P3H1: variants seen among roughly 807,000 people sequenced by gnomAD.
P3H1 encodes prolyl 3-hydroxylase 1, also known as growth suppressor 1.
P3H1 carries 69 observed loss-of-function variants against 84.0 expected under a neutral mutation model. That is an observed-to-expected ratio of 0.82 (90% CI 0.68 to 1.00). The LOEUF (loss-of-function observed/expected upper bound fraction) is 1.00. P3H1 is among the 50% of genes least tolerant of loss of function. P3H1 has a pLI of 0.00. For synonymous variants in P3H1, 366 were observed against 388.8 expected, an observed-to-expected ratio of 0.94 and a Z score of 0.69; for missense variants, 878 against 962.8, an observed-to-expected ratio of 0.91 and a Z score of 1.17.
chr1:42,755,179 C>T lies in P3H1; in HGVS notation c.1209G>A (p.Leu403=), dbSNP rs1304101000. The T allele has an allele frequency of 2.5e-6, 4 of 1,614,050 alleles. No individual in the cohort carries two copies. The highest frequency in any genetic ancestry group is 1.7e-5 in the Admixed American group (1 of 60,012). The change falls in exon 7 of 15, where the codon TTG becomes TTA. Residue 403 remains leucine (L), a synonymous_variant. Transcript: ENST00000296388. ...AAGGTCCTCACTTCTGTTTCTCTTG[C>T]AATCTCTTGGGAATCACTTCTTCTG... The part of the protein sequence containing the change: ...WTPEEVIPKR[L]QEKQKSERET...
At chr1:42,753,852 G>A (rs964747867) in intron 8 of P3H1, among the ~76,000 whole-genome samples, 2 of 152,076 alleles carry the variant, frequency 1.3e-5, no homozygotes, top group Non-Finnish European at 2.9e-5. Context: ...GATGATCCCG[G>A]GATGTGGAGG....
intron 4 of P3H1, 137 bp downstream of exon 4, chr1:42,758,714 AT>A: frequency 9.6e-7 from 1 of 1,039,514 alleles, no homozygotes. Context: ...CTACCCAGGG[AT>A]CACTTGGCAT....
Position 42,767,013 on chromosome 1 carries a change from A to G in P3H1, c.-42T>C, listed in dbSNP as rs774006132. 1.3e-6 allele frequency: 2 copies of G among 1,593,876 alleles called. No individual in the cohort carries two copies. Among genetic ancestry groups the G allele is most frequent in the Non-Finnish European group, 1.7e-6 (2 of 1,175,012 alleles). On this transcript the variant is annotated 5_prime_UTR_variant, in exon 1 of 15. Transcript: ENST00000296388. Reference sequence around the variant, plus strand: ...ACGGAACCGCCAGCCACCCGCCACCAAGGCCGGAGTCCTACCCCCGGCGAA... The same window carrying G: ...ACGGAACCGCCAGCCACCCGCCACCGAGGCCGGAGTCCTACCCCCGGCGAA...
chr1:42,751,527 C>T (rs1389712984), intron 10 of P3H1: 3 of 139,338 alleles, frequency 2.2e-5, no homozygotes, highest in African/African-American at 8.1e-5. Context: ...GTGACCCTGC[C>T]AAATCCCCCT....
chr1:42,747,150 G>C, intron 14 of P3H1, 122 bp downstream of exon 14: 3 of 1,614,206 alleles, frequency 1.9e-6, no homozygotes, highest in Non-Finnish European at 2.5e-6. Context: ...GGTGTCCCAA[G>C]TGCTCCTTTC....
intron 14 of P3H1, 153 bp downstream of exon 14, chr1:42,747,119 T>C (rs765884364): frequency 1.2e-6 from 2 of 1,614,058 alleles, no homozygotes; most frequent in Admixed American, 1.7e-5. Flanking sequence ...AATGTGACCA[T>C]AATGACAGGG....
intron 11 of P3H1, among the ~76,000 whole-genome samples, chr1:42,749,631 GTTCCCCTGAC>G (rs1557561637): frequency 6.6e-6 from 1 of 152,152 alleles, no homozygotes; most frequent in African/African-American, 2.4e-5. Context: ...ACCTTTCTTA[GTTCCCCTGAC>G]TACCAGGCTG....
rs866278783 is a variant in P3H1 at position 42,757,902 on chromosome 1, C to A, written c.961G>T (p.Val321Phe). ...AGAAGATAGGTCTTGGCACATTCAACAGCCTGTGTATAATTCCCAACTGCA... is the reference window on the plus strand; with the variant it reads ...AGAAGATAGGTCTTGGCACATTCAAAAGCCTGTGTATAATTCCCAACTGCA... ...YYNIGNYTQAVECAKTYLLFF... is the reference protein window; with the variant it reads ...YYNIGNYTQAFECAKTYLLFF... The change falls in exon 5 of 15, where the codon GTT becomes TTT. Residue 321 changes from valine (V) to phenylalanine (F), a missense_variant. Physicochemically the swap from Val to Phe is conservative, Grantham distance 50. Transcript: ENST00000296388. 1.2e-6 allele frequency: 2 copies of A among 1,614,214 alleles called. No homozygotes were observed. Among genetic ancestry groups the A allele is most frequent in the Non-Finnish European group, 1.7e-6 (2 of 1,180,028 alleles).
chr1:42,759,350 T>C lies in P3H1; in HGVS notation c.659A>G (p.Gln220Arg). The C allele has an allele frequency of 6.2e-7, 1 of 1,614,222 alleles. No homozygotes were observed. The highest frequency in any genetic ancestry group is 8.5e-7 in the Non-Finnish European group (1 of 1,180,038). The change falls in exon 3 of 15, where the codon CAG becomes CGG. Residue 220 changes from glutamine (Q) to arginine (R), a missense_variant. Gln to Arg is a conservative substitution (Grantham distance 43). Transcript: ENST00000296388. ...TAGGTGGGGCACAGCTTCCTGTGGCTGTTCCTCTGAGTAGAGTCGCACTCC... is the reference window on the plus strand; with the variant it reads ...TAGGTGGGGCACAGCTTCCTGTGGCCGTTCCTCTGAGTAGAGTCGCACTCC... The part of the protein sequence containing the change: ...RLGVRLYSEE[Q>R]PQEAVPHLEA...
rs115108794 is a variant in P3H1, at chr1:42,752,342, G to A, written c.1501C>T (p.Arg501Trp). 667 of 1,614,076 alleles carry A rather than the reference G, an allele frequency of 4.1e-4. No homozygotes were observed. In the African/African-American group the frequency reaches 6.7e-3, roughly 16 times the overall value. The change falls in exon 10 of 15, where the codon CGG (arginine) becomes TGG (tryptophan). Residue 501 changes from arginine to tryptophan, a missense_variant. Coordinates refer to ENST00000296388, the MANE Select transcript of P3H1 (RefSeq NM_022356.4). ...GGAGTATGTGGGGAGGTCTGACCCC[G>A]GTAGCCATCTCCTGAGGTTGCTGCC... is the stretch of plus-strand genomic sequence containing the variant. ...NVAATSGDGY[R>W]GQTSPHTPNE... is the part of the protein sequence containing the mutation.
At chr1:42,763,842 G>C (rs1200541149) in intron 1 of P3H1, among the ~76,000 whole-genome samples, 1 of 151,970 alleles carries the variant, frequency 6.6e-6, no homozygotes, top group East Asian at 1.9e-4. Context: ...TGTGGACACT[G>C]GTATCAAAGA....
chr1:42,747,274 G>A lies in P3H1; in HGVS notation c.2053C>T (p.Arg685Trp), dbSNP rs774693500. 2.0e-5 allele frequency: 33 copies of A among 1,613,868 alleles called. No individual in the cohort carries two copies. The highest frequency in any genetic ancestry group is 3.3e-4 in the Middle Eastern group (2 of 6,062). The stretch of plus-strand genomic sequence containing the variant: ...TCACCCGCTCGAGCTGCTCTCACCC[G>A]CTCGCTGTGTCGAGGGTCCAGGGTG... ...WFTLDPRHSE[R>W]DRVQADDLVK... Residue 685 changes from arginine (R) to tryptophan (W), a missense_variant and splice_region_variant, in exon 14 of 15, where the codon CGG (arginine) becomes TGG (tryptophan). Transcript: ENST00000296388.
Position 42,754,816 on chromosome 1 carries a change from C to T in P3H1, c.1345+53G>A. 2 of 1,613,296 alleles carry T rather than the reference C, an allele frequency of 1.2e-6. No individual in the cohort carries two copies. Among genetic ancestry groups the T allele is most frequent in the Non-Finnish European group, 1.7e-6 (2 of 1,179,530 alleles). ...GCGCTGCCTGGCAAATGTGGGGTGA[C>T]CTGCCTGGCTCCCTGACAACAGCCA... On this transcript the variant is annotated intron_variant, in intron 8 of 14. Transcript: ENST00000296388. This position sits in a 1 kb window ranked among gnomAD's most constrained non-coding sequence, Gnocchi z 4.0.
intron 1 of P3H1, among the ~76,000 whole-genome samples, chr1:42,766,007 T>TCCC (rs747617057): frequency 2.5e-5 from 3 of 117,730 alleles, no homozygotes; most frequent in South Asian, 2.9e-4. Context: ...AGCCAGAGGG[T>TCCC]CCCCCCCCCG....
intron 1 of P3H1, among the ~76,000 whole-genome samples, chr1:42,763,279 G>A (rs1240219569): frequency 6.6e-6 from 1 of 151,934 alleles, no homozygotes; most frequent in East Asian, 1.9e-4. Context: ...GGGAAAAGGT[G>A]GATGGCTAAA....
At chr1:42,757,671 CA>C in intron 5 of P3H1, 111 bp downstream of exon 5, 1 of 1,503,262 alleles carries the variant, frequency 6.7e-7, no homozygotes, top group African/African-American at 1.4e-5. Context: ...CCAACACTGA[CA>C]TCTGGCCCCT....
Position 42,766,792 on chromosome 1 carries a change from C to G in P3H1, c.180G>C (p.Arg60=). The G allele has an allele frequency of 6.2e-7, 1 of 1,601,920 alleles. No homozygotes were observed. Among genetic ancestry groups the G allele is most frequent in the South Asian group, 1.1e-5 (1 of 90,870 alleles). Residue 60 remains arginine, a synonymous_variant, in exon 1 of 15, where the codon CGG becomes CGC. Coordinates refer to ENST00000296388, the MANE Select transcript of P3H1 (RefSeq NM_022356.4). ...DWPGVVLSME[R]ALRSRAALRA... ...GGAGGGCTGCCCGGGAGCGCAGCGC[C>G]CGTTCCATGCTCAGGACCACCCCGG...
intron 8 of P3H1, 150 bp from the exon 9 acceptor site, chr1:42,752,814 A>C (rs1652191023): frequency 9.9e-7 from 1 of 1,008,450 alleles, no homozygotes; most frequent in Non-Finnish European, 1.5e-6. Flanking sequence ...CAAAGGTAGA[A>C]TAGTCCAGAG....
At position 42,762,856 on chromosome 1, in the gene P3H1, C is replaced by T. The variant is rs1461265591; in HGVS notation, c.466-381G>A. Among the ~76,000 whole-genome samples the T allele has an allele frequency of 3.3e-5, 5 of 152,098 alleles. No homozygotes were observed. In the East Asian group the frequency reaches 7.7e-4, roughly 23 times the overall value. On this transcript the variant is annotated intron_variant, in intron 1 of 14. Transcript: ENST00000296388. Reference sequence around the variant, plus strand: ...TCTGTAATCCCAGCATTTTTAGAGGCCGAGGCAGGTGGATCACTTGAGCTC... The same window carrying T: ...TCTGTAATCCCAGCATTTTTAGAGGTCGAGGCAGGTGGATCACTTGAGCTC...
Sources: allele counts gnomAD v4.1 joint callset (sites outside exome capture counted in the v4.1 genomes callset), GRCh38; gene constraint gnomAD v4.1.1; non-coding constraint Gnocchi (gnomAD v3.1); transcripts MANE v1.5; gene names NCBI Gene and HGNC (gene_info 2026-07-23, HGNC 2026-07-21).